PLOD1: variants seen among roughly 807,000 people sequenced by gnomAD.
PLOD1 encodes procollagen-lysine,2-oxoglutarate 5-dioxygenase 1, also known as lysine hydroxylase.
PLOD1 carries 70 observed loss-of-function variants against 94.7 expected under a neutral mutation model. That is an observed-to-expected ratio of 0.74 (90% CI 0.61 to 0.90). PLOD1 has a LOEUF of 0.90. PLOD1 is among the 40% of genes least tolerant of loss of function. The pLI is 0.00. For synonymous variants in PLOD1, 417 were observed against 400.2 expected (o/e 1.04, Z -0.50); for missense variants, 905 against 972.7 (o/e 0.93, Z 0.93).
Position 11,964,197 on chromosome 1 carries a change from A to T in PLOD1, c.1225A>T (p.Thr409Ser). 6.2e-7 allele frequency: 1 copy of T among 1,613,428 alleles called. No individual in the cohort carries two copies. Among genetic ancestry groups the T allele is most frequent in the South Asian group, 1.1e-5 (1 of 91,050 alleles). The change falls in exon 12 of 19, where the codon ACC becomes TCC. Residue 409 changes from threonine to serine, a missense_variant. By Grantham distance (58) the Thr-to-Ser change is moderately conservative (BLOSUM62 1). Transcript: ENST00000196061. The part of the protein sequence containing the change: ...QNKNVIAPLM[T>S]RHGRLWSNFW... The stretch of plus-strand genomic sequence containing the variant: ...CAGGAACGTCATTGCCCCGCTGATG[A>T]CCCGGCATGGGAGGCTGTGGTCGAA...
chr1:11,944,216 G>A (rs1645633783), intron 1 of PLOD1, among the ~76,000 whole-genome samples: 1 of 151,690 alleles, frequency 6.6e-6, no homozygotes, highest in East Asian at 1.9e-4. Context: ...CTGGGTGACA[G>A]AGCGAGACTC....
At position 11,974,914 on chromosome 1, in the gene PLOD1, G is replaced by A; in HGVS notation, c.*106G>A. Reference sequence around the variant, plus strand: ...GGGAACCCAGTCCAGCCTCCTGGCTGTTGACTTCCCATTGCTCTTGGAGCC... The same window carrying A: ...GGGAACCCAGTCCAGCCTCCTGGCTATTGACTTCCCATTGCTCTTGGAGCC... On this transcript the variant is annotated 3_prime_UTR_variant, in exon 19 of 19. Transcript: ENST00000196061. The A allele has an allele frequency of 1.9e-6, 2 of 1,070,458 alleles. No homozygotes were observed. Among genetic ancestry groups the A allele is most frequent in the Non-Finnish European group, 2.9e-6 (2 of 684,934 alleles). 66.3% of individuals were successfully genotyped at this position (1,070,458 alleles called of 1,614,324 possible).
intron 9 of PLOD1, among the ~76,000 whole-genome samples, chr1:11,960,365 T>C (rs554105783): frequency 1.3e-5 from 2 of 152,336 alleles, no homozygotes; most frequent in Admixed American, 1.3e-4. Flanking sequence ...ACAATGTCTC[T>C]GGATGTGGGA....
In PLOD1 at chr1:11,963,788, CCTTGT is replaced by C; in HGVS notation, c.1202+156_1202+160del. ...TCCTCTTTCTCCTCCTCGTCTTCCTCCTTGTCTTCCTCCTCCTCTTCCTCTTCCTC... is the reference window on the plus strand; with the variant it reads ...TCCTCTTTCTCCTCCTCGTCTTCCTCCTTCCTCCTCCTCTTCCTCTTCCTC... On this transcript the variant is annotated intron_variant, in intron 11 of 18. Transcript: ENST00000196061. The surrounding 1 kb of genome is among the most constrained non-coding windows in gnomAD (Gnocchi z 4.3). 1.4e-6 allele frequency: 1 copy of C among 694,020 alleles called. No homozygotes were observed. 43.0% of individuals were successfully genotyped at this position (694,020 alleles called of 1,614,324 possible). A position where few individuals can be genotyped will look rare whatever the true frequency, so the allele number is the denominator to read the frequency against.
In PLOD1 at chr1:11,937,953, C is replaced by CT. The variant is rs796438993; in HGVS notation, c.76+3111dup. Among the ~76,000 whole-genome samples, 520 of 122,088 alleles carry CT rather than the reference C, an allele frequency of 4.3e-3. 1 individual carries two copies. The highest frequency in any genetic ancestry group is 0.01 in the African/African-American group (347 of 33,256). The allele number at this position is 122,088 out of a possible 152,430, so 80.1% of individuals were successfully genotyped here. On this transcript the variant is annotated intron_variant, in intron 1 of 18. Coordinates refer to ENST00000196061, the MANE Select transcript of PLOD1 (RefSeq NM_000302.4). ...TTTTTTTTTTTTAAGTTTTCATTTT[C>CT]TTTTTTTTTTTTTCTTTGAGACAGA...
At position 11,964,178 on chromosome 1, in the gene PLOD1, C is replaced by T. The variant is rs1130529; in HGVS notation, c.1206C>T (p.Asn402=). 0.34 allele frequency: 541,717 copies of T among 1,612,832 alleles called. 93,783 individuals carry two copies. Among genetic ancestry groups the T allele is most frequent in the South Asian group, 0.45 (40,835 of 91,062 alleles). ...CTGAGGTGCTCCCTTCCCTCAGGAACGTCATTGCCCCGCTGATGACCCGGC... is the reference window on the plus strand; with the variant it reads ...CTGAGGTGCTCCCTTCCCTCAGGAATGTCATTGCCCCGCTGATGACCCGGC... The part of the protein sequence containing the change: ...SLRLLIQQNK[N]VIAPLMTRHG... The change falls in exon 12 of 19, where the codon AAC becomes AAT. Residue 402 remains asparagine (N), a synonymous_variant. Transcript: ENST00000196061.
intron 4 of PLOD1, 54 bp downstream of exon 4, chr1:11,950,574 C>T: frequency 6.4e-7 from 1 of 1,550,712 alleles, no homozygotes; most frequent in Non-Finnish European, 8.9e-7. Flanking sequence ...CATCTACTGC[C>T]TTTGTGGGGA....
At chr1:11,950,157 C>G (rs1444327332) in intron 3 of PLOD1, among the ~76,000 whole-genome samples, 200 bp from the exon 4 acceptor site, 1 of 152,182 alleles carries the variant, frequency 6.6e-6, no homozygotes, top group Admixed American at 6.5e-5. Context: ...TGGGGACCAT[C>G]TCTTTGCCCA....
In PLOD1 at chr1:11,957,122, G is replaced by A; in HGVS notation, c.741+108G>A. 1.2e-6 allele frequency: 1 copy of A among 805,558 alleles called. No individual in the cohort carries two copies. The highest frequency in any genetic ancestry group is 2.3e-6 in the Non-Finnish European group (1 of 443,526). 49.9% of individuals were successfully genotyped at this position (805,558 alleles called of 1,614,324 possible). ...CTGGGGCCAGGGCCACCTTCCTGGG[G>A]CCTGCTATGAACTCACTGCCTCTGT... is the stretch of plus-strand genomic sequence containing the variant. On this transcript the variant is annotated intron_variant, in intron 7 of 18. Transcript: ENST00000196061. The surrounding 1 kb of genome is among the most constrained non-coding windows in gnomAD (Gnocchi z 4.1).
chr1:11,972,794 A>G lies in PLOD1; in HGVS notation c.1903-78A>G. On this transcript the variant is annotated intron_variant, in intron 17 of 18. Transcript: ENST00000196061. This position sits in a 1 kb window ranked among gnomAD's most constrained non-coding sequence, Gnocchi z 4.6. ...CCTGCAGCAGGCCAGACCAGGCCCC[A>G]TGTGTGCACCCTCCTCTCCTGGCCT... 1 of 1,552,142 alleles carries G rather than the reference A, an allele frequency of 6.4e-7. No individual in the cohort carries two copies.
chr1:11,966,504 G>C (rs1334125695), intron 15 of PLOD1, 188 bp downstream of exon 15: 1 of 279,020 alleles, frequency 3.6e-6, no homozygotes, highest in Non-Finnish European at 7.0e-6. Flanking sequence ...CGGCGGGATG[G>C]GAGTGGGGGG....
At position 11,958,072 on chromosome 1, in the gene PLOD1, G is replaced by C. The variant is rs1384499597; in HGVS notation, c.843+129G>C. On this transcript the variant is annotated intron_variant, in intron 8 of 18. Transcript: ENST00000196061. The surrounding 1 kb of genome is among the most constrained non-coding windows in gnomAD (Gnocchi z 4.3). ...AGTGAAGGGGTCACCTCCCTGCCTG[G>C]GGTTCTATCCCGGTTGCCACCCAAG... is the stretch of plus-strand genomic sequence containing the variant. 2.8e-6 allele frequency: 2 copies of C among 718,184 alleles called. No homozygotes were observed. Among genetic ancestry groups the C allele is most frequent in the Non-Finnish European group, 4.9e-6 (2 of 405,704 alleles). The allele number at this position is 718,184 out of a possible 1,614,324, so 44.5% of individuals were successfully genotyped here. A position where few individuals can be genotyped will look rare whatever the true frequency, so the allele number is the denominator to read the frequency against.
At chr1:11,968,414 C>T (rs1339860198) in intron 16 of PLOD1, among the ~76,000 whole-genome samples, 2 of 152,120 alleles carry the variant, frequency 1.3e-5, no homozygotes, top group African/African-American at 4.8e-5. Context: ...AGCCCTTTCA[C>T]AGAAGAGAAA....
chr1:11,957,925 C>T lies in PLOD1; in HGVS notation c.825C>T (p.Arg275=). The T allele has an allele frequency of 5.6e-6, 9 of 1,613,020 alleles. No homozygotes were observed. The highest frequency in any genetic ancestry group is 7.6e-6 in the Non-Finnish European group (9 of 1,178,992). Residue 275 remains arginine, a synonymous_variant, in exon 8 of 19, where the codon CGC becomes CGT. Coordinates refer to ENST00000196061, the MANE Select transcript of PLOD1 (RefSeq NM_000302.4). This position sits in a 1 kb window ranked among gnomAD's most constrained non-coding sequence, Gnocchi z 4.1. ...GCACCGTGTGTGACGAAGGCTTGCG[C>T]AGCCTCAAGGGCATTGGGGTGAGGC... ...TGCTVCDEGL[R]SLKGIGDEAL...
At chr1:11,964,531 T>C in intron 12 of PLOD1, 113 bp from the exon 13 acceptor site, 1 of 1,111,248 alleles carries the variant, frequency 9.0e-7, no homozygotes, top group Non-Finnish European at 1.4e-6. Flanking sequence ...GCCTGTGACT[T>C]CCCTTCTCAC....
At chr1:11,943,588 C>T (rs1199400023) in intron 1 of PLOD1, among the ~76,000 whole-genome samples, 4 of 152,178 alleles carry the variant, frequency 2.6e-5, no homozygotes, top group African/African-American at 7.2e-5. Flanking sequence ...TGAGTCACCA[C>T]GCCTGGCCAC....
chr1:11,955,748 C>G, intron 6 of PLOD1, among the ~76,000 whole-genome samples: 1 of 152,052 alleles, frequency 6.6e-6, no homozygotes, highest in African/African-American at 2.4e-5. Flanking sequence ...CTCAGCCTCC[C>G]AAGTAGCTGG....
intron 9 of PLOD1, among the ~76,000 whole-genome samples, chr1:11,959,170 A>G (rs1645760590): frequency 6.6e-6 from 1 of 151,908 alleles, no homozygotes; most frequent in Admixed American, 6.6e-5. Flanking sequence ...GCGCCATTGC[A>G]CTCCAGCCTG....
At position 11,949,841 on chromosome 1, in the gene PLOD1, G is replaced by T. The variant is rs201579526; in HGVS notation, c.237G>T (p.Arg79=). 7 of 1,613,998 alleles carry T rather than the reference G, an allele frequency of 4.3e-6. No individual in the cohort carries two copies. Among genetic ancestry groups the T allele is most frequent in the Non-Finnish European group, 5.9e-6 (7 of 1,179,870 alleles). ...GTSAGGGQKV[R]LLKKALEKHA... ...CGGCAGGTGGAGGGCAGAAGGTCCG[G>T]CTGCTGAAGAAAGCTCTGGAGAAGC... is the stretch of plus-strand genomic sequence containing the variant. Residue 79 remains arginine (R), a synonymous_variant, in exon 3 of 19, where the codon CGG becomes CGT. Transcript: ENST00000196061.
Sources: gnomAD v4.1 joint callset for allele counts (sites outside exome capture counted in the v4.1 genomes callset) on GRCh38, gnomAD v4.1.1 for gene constraint, Gnocchi (gnomAD v3.1) non-coding constraint, MANE v1.5 for transcripts, NCBI Gene and HGNC (gene_info 2026-07-23, HGNC 2026-07-21) for gene names.